TPX2: variants seen among roughly 807,000 people sequenced by gnomAD.
TPX2 encodes the protein TPX2 microtubule nucleation factor.
A neutral mutation model predicts 93.6 loss-of-function variants in TPX2; 21 were observed. That is an observed-to-expected ratio of 0.22 (90% confidence interval 0.16 to 0.32). The LOEUF is 0.32. Ranked by LOEUF, TPX2 falls within the 10% of genes least tolerant of loss-of-function variation. The probability of loss-of-function intolerance (pLI) is 1.00; values close to 1 mark genes in which losing one functional copy is unlikely to be tolerated. For missense variants in TPX2, 776 were observed against 871.1 expected (o/e 0.89, Z 1.37); for synonymous variants, 281 against 298.3 (o/e 0.94, Z 0.60).
At chr20:31,779,177 C>T (rs997465437) in intron 10 of TPX2, among the ~76,000 whole-genome samples, 193 bp downstream of exon 10, 7 of 152,170 alleles carry the variant, frequency 4.6e-5, no homozygotes, top group South Asian at 2.1e-4. Flanking sequence ...ACCCATCAAC[C>T]GTCTTGATCC....
intron 2 of TPX2, among the ~76,000 whole-genome samples, chr20:31,744,000 C>A (rs928327232): frequency 6.6e-6 from 1 of 151,632 alleles, no homozygotes; most frequent in African/African-American, 2.4e-5. Flanking sequence ...GGATTACAGG[C>A]GTGAGCCACC....
At chr20:31,774,780 T>C (rs2061985540) in intron 7 of TPX2, among the ~76,000 whole-genome samples, 1 of 152,200 alleles carries the variant, frequency 6.6e-6, no homozygotes, top group Non-Finnish European at 1.5e-5. Flanking sequence ...TTTTTTTGTT[T>C]TTGTTTTTGA....
At chr20:31,774,495 G>A (rs2061983865) in intron 7 of TPX2, among the ~76,000 whole-genome samples, 1 of 151,864 alleles carries the variant, frequency 6.6e-6, no homozygotes, top group Non-Finnish European at 1.5e-5. Flanking sequence ...TGGATACTCT[G>A]TGTTGAACAT....
intron 11 of TPX2, among the ~76,000 whole-genome samples, chr20:31,783,248 T>A (rs1482257794): frequency 6.6e-6 from 1 of 151,824 alleles, no homozygotes; most frequent in East Asian, 1.9e-4. Flanking sequence ...TTTTATTATT[T>A]TTTATTTATT....
At position 31,783,696 on chromosome 20, in the gene TPX2, AC is replaced by A; in HGVS notation, c.1197-7del. The A allele has an allele frequency of 1.3e-6, 2 of 1,580,272 alleles. No individual in the cohort carries two copies. Among genetic ancestry groups the A allele is most frequent in the Non-Finnish European group, 1.7e-6 (2 of 1,172,072 alleles). On this transcript the variant is annotated splice_polypyrimidine_tract_variant and splice_region_variant and intron_variant, in intron 11 of 17. Coordinates refer to ENST00000300403, the MANE Select transcript of TPX2 (RefSeq NM_012112.5). ...TTTTTTTGTGGTTATTTAAATTTTC[AC>A]CTTACAGATACAAATTCAAAGCACG...
chr20:31,747,769 C>CTTT (rs1236018315), intron 2 of TPX2, among the ~76,000 whole-genome samples: 7 of 124,530 alleles, frequency 5.6e-5, no homozygotes, highest in Non-Finnish European at 6.8e-5. Flanking sequence ...ACGCATGTGC[C>CTTT]TTTTTTTTTT....
At chr20:31,760,300 G>A in intron 4 of TPX2, 121 bp downstream of exon 4, 1 of 1,266,368 alleles carries the variant, frequency 7.9e-7, no homozygotes, top group African/African-American at 1.5e-5. Context: ...GGTGAAATGG[G>A]CTAATTCATT....
At chr20:31,755,927 T>C (rs2061848869) in intron 2 of TPX2, among the ~76,000 whole-genome samples, 2 of 152,150 alleles carry the variant, frequency 1.3e-5, no homozygotes, top group African/African-American at 4.8e-5. Flanking sequence ...CAAGATAGAG[T>C]GCAAAACTTC....
intron 3 of TPX2, among the ~76,000 whole-genome samples, chr20:31,759,402 T>G (rs1307059886): frequency 1.0e-4 from 15 of 144,776 alleles, no homozygotes; most frequent in Non-Finnish European, 2.0e-4. Flanking sequence ...TTTCGTTTTT[T>G]TTTTTTTTTT....
In TPX2 at chr20:31,742,539, A is replaced by T. The variant is rs1312840802; in HGVS notation, c.-177-2A>T. ...GTTTCATCACTTTTCTGCTTCTTCC[A>T]GGTTCTTGATACATATTTGCCAGAC... is the stretch of plus-strand genomic sequence containing the variant. On this transcript the variant is annotated splice_acceptor_variant, in intron 1 of 17. Transcript: ENST00000300403. LOFTEE classifies it low-confidence loss of function (5UTR_SPLICE). 3 of 152,178 alleles carry T rather than the reference A, an allele frequency of 2.0e-5. No homozygotes were observed. The highest frequency in any genetic ancestry group is 6.5e-5 in the Admixed American group (1 of 15,272). 9.4% of individuals were successfully genotyped at this position (152,178 alleles called of 1,614,324 possible).
rs560521006 is a variant in TPX2 at position 31,783,150 on chromosome 20, A to T, written c.1197-555A>T. Among the ~76,000 whole-genome samples the T allele has an allele frequency of 2.0e-5, 3 of 152,134 alleles. No individual in the cohort carries two copies. In the East Asian group the frequency reaches 5.8e-4, roughly 29 times the overall value. Reference sequence around the variant, plus strand: ...ATTCCTTTTTGTGCTTCTTTTGAGGAGGGGGAGCTTCTTCTGTGAAGTGAA... The same window carrying T: ...ATTCCTTTTTGTGCTTCTTTTGAGGTGGGGGAGCTTCTTCTGTGAAGTGAA... On this transcript the variant is annotated intron_variant, in intron 11 of 17. Coordinates refer to ENST00000300403, the MANE Select transcript of TPX2 (RefSeq NM_012112.5).
Position 31,757,590 on chromosome 20 carries a change from CCTGCTTT to C in TPX2, c.106+11_106+17del. ...ACATAGATTCATGGTTTGGTAAGTGCCTGCTTTCTCTGGCTATTTTAAGGATTAGTGG... is the reference window on the plus strand; with the variant it reads ...ACATAGATTCATGGTTTGGTAAGTGCCTCTGGCTATTTTAAGGATTAGTGG... On this transcript the variant is annotated intron_variant, in intron 3 of 17. Coordinates refer to ENST00000300403, the MANE Select transcript of TPX2 (RefSeq NM_012112.5). 6.2e-7 allele frequency: 1 copy of C among 1,607,956 alleles called. No homozygotes were observed. The highest frequency in any genetic ancestry group is 8.5e-7 in the Non-Finnish European group (1 of 1,174,966).
chr20:31,748,920 T>A (rs954888274), intron 2 of TPX2, among the ~76,000 whole-genome samples: 1 of 152,106 alleles, frequency 6.6e-6, no homozygotes, highest in African/African-American at 2.4e-5. Context: ...CTCCATGACA[T>A]TTGTTATTTA....
intron 11 of TPX2, among the ~76,000 whole-genome samples, chr20:31,782,792 A>T (rs1341792968): frequency 6.6e-6 from 1 of 151,868 alleles, no homozygotes; most frequent in African/African-American, 2.4e-5. Flanking sequence ...ACTAGGGGGC[A>T]GCCTGAACCC....
intron 2 of TPX2, 22 bp from the exon 3 acceptor site, chr20:31,757,385 G>A: frequency 9.8e-7 from 1 of 1,023,000 alleles, no homozygotes; most frequent in Non-Finnish European, 1.5e-6. Flanking sequence ...TTAGATTTAT[G>A]TGCAACCATT....
At chr20:31,777,684 T>G (rs2062009778) in intron 9 of TPX2, 46 bp downstream of exon 9, 1 of 1,590,586 alleles carries the variant, frequency 6.3e-7, no homozygotes, top group African/African-American at 1.3e-5. Context: ...AATATTCATT[T>G]AGGATTTTAC....
chr20:31,748,641 G>A (rs973814062), intron 2 of TPX2, among the ~76,000 whole-genome samples: 1 of 152,156 alleles, frequency 6.6e-6, no homozygotes, highest in African/African-American at 2.4e-5. Context: ...AGGAAAACTT[G>A]TGCATTAGAG....
chr20:31,780,054 A>G (rs919835040), intron 10 of TPX2, among the ~76,000 whole-genome samples: 1 of 151,844 alleles, frequency 6.6e-6, no homozygotes, highest in African/African-American at 2.4e-5. Flanking sequence ...TTGCATAGGC[A>G]TTTTTTTTGA....
intron 10 of TPX2, 106 bp downstream of exon 10, chr20:31,779,090 TA>T: frequency 1.6e-6 from 2 of 1,271,380 alleles, no homozygotes; most frequent in Non-Finnish European, 2.1e-6. Flanking sequence ...GTTTTTCAAT[TA>T]AAGTATGGCG....
Sources: gnomAD v4.1 joint callset for allele counts (sites outside exome capture counted in the v4.1 genomes callset) on GRCh38, gnomAD v4.1.1 for gene constraint, MANE v1.5 for transcripts, NCBI Gene and HGNC (gene_info 2026-07-23, HGNC 2026-07-21) for gene names.